RGL1: variants seen among roughly 807,000 people sequenced by gnomAD.
The protein encoded by RGL1 is ral guanine nucleotide dissociation stimulator like 1, also known as ral guanine nucleotide dissociation stimulator-like 1.
RGL1 carries 24 observed loss-of-function variants against 95.2 expected under a neutral mutation model. The observed-to-expected ratio is 0.25, with a 90% confidence interval of 0.18 to 0.35. The LOEUF is 0.35. RGL1 is among the 10% of genes least tolerant of loss of function. RGL1 has a pLI of 1.00. For missense variants in RGL1, 715 were observed against 936.3 expected (o/e 0.76, Z 3.08); for synonymous variants, 329 against 344.9 (o/e 0.95, Z 0.51).
At position 183,880,735 on chromosome 1, in the gene RGL1, C is replaced by G. The variant is rs12140352; in HGVS notation, c.545C>G (p.Ser182Cys). The change falls in exon 5 of 18, where the codon TCT becomes TGT. Residue 182 changes from serine (S) to cysteine (C), a missense_variant. Transcript: ENST00000360851. ...TATCTCACACGGATGATGCCGGGCT[C>G]TGACCCAGAAAGAAGAGCACAAAAT... ...LDYLTRMMPG[S>C]DPERRAQNLL... 3.6e-3 allele frequency: 5,746 copies of G among 1,613,948 alleles called. 10 individuals are homozygous for G. Among genetic ancestry groups the G allele is most frequent in the Non-Finnish European group, 4.6e-3 (5,414 of 1,179,860 alleles).
chr1:183,639,577 C>G (rs2101970366), intron 1 of RGL1, among the ~76,000 whole-genome samples: 1 of 151,796 alleles, frequency 6.6e-6, no homozygotes. Context: ...AAACATGAAC[C>G]TTCAGAATTT....
At chr1:183,837,623 C>T (rs1002484152) in intron 2 of RGL1, among the ~76,000 whole-genome samples, 4 of 152,088 alleles carry the variant, frequency 2.6e-5, no homozygotes, top group African/African-American at 9.7e-5. Flanking sequence ...AAGTAGGTAA[C>T]GAAGTCATTG....
At chr1:183,918,746 C>T (rs1184303048) in intron 16 of RGL1, among the ~76,000 whole-genome samples, 2 of 152,234 alleles carry the variant, frequency 1.3e-5, no homozygotes, top group East Asian at 3.8e-4. Context: ...CAACCCCTTC[C>T]TGTGGCCCTT....
chr1:183,829,944 G>A (rs1393575740), intron 2 of RGL1, among the ~76,000 whole-genome samples: 8 of 152,172 alleles, frequency 5.3e-5, no homozygotes, highest in Admixed American at 6.5e-5. Context: ...GGTTTCTACC[G>A]CCATTAGACA....
intron 2 of RGL1, among the ~76,000 whole-genome samples, chr1:183,799,279 C>T (rs187063125): frequency 3.4e-4 from 52 of 152,182 alleles, no homozygotes; most frequent in African/African-American, 1.2e-3. Context: ...AATATGGGAG[C>T]GCAGGTATCT....
chr1:183,685,072 A>G (rs1209061279), intron 1 of RGL1, among the ~76,000 whole-genome samples: 1 of 152,214 alleles, frequency 6.6e-6, no homozygotes, highest in African/African-American at 2.4e-5. Context: ...ATATGTAGTT[A>G]TATATTTAAA....
At position 183,758,235 on chromosome 1, in the gene RGL1, C is replaced by T. The variant is rs889849281; in HGVS notation, c.132+15946C>T. On this transcript the variant is annotated intron_variant, in intron 2 of 18. Transcript: ENST00000304685. ...TTTTTGAGACGGAGTCTCGCTCTGT[C>T]GCCCAGGCTGGAGTGCAGTGGCACG... 2.7e-5 allele frequency among the ~76,000 whole-genome samples: 4 copies of T among 148,304 alleles called. No individual in the cohort carries two copies. The South Asian group carries it at 6.4e-4, about 24-fold the overall frequency.
intron 1 of RGL1, among the ~76,000 whole-genome samples, chr1:183,707,639 A>G (rs1655002632): frequency 6.6e-6 from 1 of 151,932 alleles, no homozygotes; most frequent in Admixed American, 6.5e-5. Flanking sequence ...TGAATTTGCA[A>G]GCCTCAGGAG....
intron 2 of RGL1, among the ~76,000 whole-genome samples, chr1:183,814,555 T>A (rs1159505575): frequency 6.6e-6 from 1 of 152,122 alleles, no homozygotes; most frequent in Non-Finnish European, 1.5e-5. Context: ...CCCCCAGAAG[T>A]TTTTTATGTT....
intron 2 of RGL1, among the ~76,000 whole-genome samples, chr1:183,819,739 T>C (rs1424823554): frequency 6.6e-6 from 1 of 152,176 alleles, no homozygotes; most frequent in Non-Finnish European, 1.5e-5. Flanking sequence ...TGGACTTTTT[T>C]TTAAAGCAAT....
At chr1:183,772,184 G>A (rs901104931) in intron 2 of RGL1, among the ~76,000 whole-genome samples, 2 of 152,222 alleles carry the variant, frequency 1.3e-5, no homozygotes, top group African/African-American at 2.4e-5. Context: ...GATACAGAAA[G>A]CCGTCTGTTC....
intron 2 of RGL1, among the ~76,000 whole-genome samples, chr1:183,751,175 C>T (rs191728563): frequency 3.3e-5 from 5 of 152,358 alleles, no homozygotes; most frequent in Admixed American, 2.6e-4. Context: ...TGCCCCTTCC[C>T]CCAGGTGCTC....
intron 1 of RGL1, among the ~76,000 whole-genome samples, chr1:183,664,573 C>CT (rs5779182): frequency 0.069 from 10,131 of 146,602 alleles, 589 homozygotes; most frequent in African/African-American, 0.16. Flanking sequence ...AGAGGGCATA[C>CT]TTTTTTTTTT....
At chr1:183,646,017 A>C (rs909667358) in intron 1 of RGL1, among the ~76,000 whole-genome samples, 1 of 152,196 alleles carries the variant, frequency 6.6e-6, no homozygotes, top group Non-Finnish European at 1.5e-5. Context: ...CCATGTTTCT[A>C]ATTGGATTCT....
chr1:183,715,407 A>T (rs1655552136), intron 1 of RGL1, among the ~76,000 whole-genome samples: 1 of 152,120 alleles, frequency 6.6e-6, no homozygotes, highest in African/African-American at 2.4e-5. Context: ...ATATATGGTG[A>T]ACTGATTGTT....
chr1:183,786,217 C>T (rs972625035), intron 2 of RGL1, among the ~76,000 whole-genome samples: 1 of 152,180 alleles, frequency 6.6e-6, no homozygotes, highest in Admixed American at 6.5e-5. Context: ...GCCTGGGCAA[C>T]ATAGCAAGAT....
intron 1 of RGL1, among the ~76,000 whole-genome samples, chr1:183,688,830 G>T (rs937905157): frequency 6.6e-6 from 1 of 152,144 alleles, no homozygotes; most frequent in Admixed American, 6.5e-5. Context: ...GATGCAATAT[G>T]TGAATCATAT....
In RGL1 at chr1:183,916,639, G is replaced by T. The variant is rs749146764; in HGVS notation, c.1942G>T (p.Asp648Tyr). The change falls in exon 16 of 18, where the codon GAC becomes TAC. Residue 648 changes from aspartate to tyrosine, a missense_variant. By Grantham distance (160) the Asp-to-Tyr change is radical. Around this residue, in one of 3 missense-constraint regions of RGL1, gnomAD observed 330 missense variants for 429.6 expected, o/e 0.77. Coordinates refer to ENST00000360851, the MANE Select transcript of RGL1 (RefSeq NM_001297671.3). ...TCCTGTTTACAACCAACAGAATGAA[G>T]ACACCTGCATAATCCGCATCAGTGT... The part of the protein sequence containing the change: ...LPPVYNQQNE[D>Y]TCIIRISVED... 1.9e-5 allele frequency: 31 copies of T among 1,613,684 alleles called. No homozygotes were observed. The highest frequency in any genetic ancestry group is 1.6e-4 in the Middle Eastern group (1 of 6,084).
intron 5 of RGL1, among the ~76,000 whole-genome samples, chr1:183,882,286 G>A (rs540039805): frequency 1.6e-4 from 25 of 152,322 alleles, no homozygotes; most frequent in Admixed American, 1.5e-3. Context: ...GGGCTGCTGT[G>A]TTTGCTGAAT....
Sources: gnomAD v4.1 joint callset for allele counts (sites outside exome capture counted in the v4.1 genomes callset) on GRCh38, gnomAD v4.1.1 for gene constraint, gnomAD v4.1.1 regional missense constraint, MANE v1.5 for transcripts, NCBI Gene and HGNC (gene_info 2026-07-23, HGNC 2026-07-21) for gene names.